TXN2: variants seen among roughly 807,000 people sequenced by gnomAD.
The protein encoded by TXN2 is thioredoxin 2.
Under a neutral mutation model 14.6 loss-of-function variants are expected in TXN2, and 12 were observed. The ratio of observed to expected loss-of-function variants is 0.82; its 90% CI spans 0.53 to 1.33. The LOEUF (loss-of-function observed/expected upper bound fraction) is 1.33. TXN2 is among the 40% of genes most tolerant of loss of function. The pLI, the probability that TXN2 is intolerant of heterozygous loss-of-function variation, is 0.00. For synonymous variants in TXN2, 89 were observed against 81.0 expected (o/e 1.10, Z -0.53); for missense variants, 173 against 207.7 (o/e 0.83, Z 1.03).
intron 3 of TXN2, chr22:36,468,633 G>A: frequency 2.2e-6 from 1 of 449,278 alleles, no homozygotes; most frequent in South Asian, 1.6e-5. Context: ...GCTGAGGCAG[G>A]AGGATCGCTT....
intron 3 of TXN2, among the ~76,000 whole-genome samples, chr22:36,474,928 G>T (rs1163522896): frequency 6.6e-6 from 1 of 152,180 alleles, no homozygotes; most frequent in Non-Finnish European, 1.5e-5. Flanking sequence ...CAGGCACCTG[G>T]CCCCTGCTGG....
At position 36,480,742 on chromosome 22, in the gene TXN2, C is replaced by A. The variant is rs762374008; in HGVS notation, c.96G>T (p.Leu32=). ...CACCAGGACTGCATTGTGGGGTCTG[C>A]AGGGCTCTGGAAGTGAGGGGTGGCC... ...GQWPPLTSRA[L]QTPQCSPGGL... is the part of the protein sequence containing the mutation. The change falls in exon 2 of 4, where the codon CTG becomes CTT. Residue 32 remains leucine, a synonymous_variant. Transcript: ENST00000216185. The A allele has an allele frequency of 6.2e-7, 1 of 1,614,012 alleles. No individual in the cohort carries two copies. The highest frequency in any genetic ancestry group is 1.1e-5 in the South Asian group (1 of 91,080).
chr22:36,470,854 A>G (rs1043578307), intron 3 of TXN2, among the ~76,000 whole-genome samples: 13 of 152,182 alleles, frequency 8.5e-5, no homozygotes, highest in African/African-American at 2.4e-4. Context: ...ACATGCTTGA[A>G]CACGCACAGA....
Position 36,476,778 on chromosome 22 carries a change from G to A in TXN2, c.342C>T (p.Ala114=). The A allele has an allele frequency of 6.2e-7, 1 of 1,613,988 alleles. No homozygotes were observed. Among genetic ancestry groups the A allele is most frequent in the Non-Finnish European group, 8.5e-7 (1 of 1,179,996 alleles). ...VAKQHGKVVM[A]KVDIDDHTDL... is the part of the protein sequence containing the mutation. ...CTGTGTGGTCATCAATATCCACCTT[G>A]GCCATCACCACCTTCCCGTGCTGCT... Residue 114 remains alanine (A), a synonymous_variant, in exon 3 of 4, where the codon GCC becomes GCT. Coordinates refer to ENST00000216185, the MANE Select transcript of TXN2 (RefSeq NM_012473.4).
intron 1 of TXN2, 61 bp from the exon 2 acceptor site, chr22:36,480,898 A>T: frequency 1.3e-6 from 2 of 1,502,476 alleles, no homozygotes; most frequent in Non-Finnish European, 1.8e-6. Context: ...CACTAGAAAA[A>T]GATTTGGGGA....
Position 36,467,700 on chromosome 22 carries a change from C to A in TXN2, c.*104G>T. On this transcript the variant is annotated 3_prime_UTR_variant, in exon 4 of 4. Transcript: ENST00000216185. ...GGAGCCTGGGCTCTAAGCATGGGCCCCAGGAGCCAGACAGGAGGGAGGCAG... is the reference window on the plus strand; with the variant it reads ...GGAGCCTGGGCTCTAAGCATGGGCCACAGGAGCCAGACAGGAGGGAGGCAG... 9.8e-7 allele frequency: 1 copy of A among 1,020,172 alleles called. No individual in the cohort carries two copies. 63.2% of individuals were successfully genotyped at this position (1,020,172 alleles called of 1,614,324 possible).
chr22:36,469,558 G>A (rs1268952846), intron 3 of TXN2, among the ~76,000 whole-genome samples: 3 of 152,204 alleles, frequency 2.0e-5, no homozygotes, highest in Non-Finnish European at 4.4e-5. Flanking sequence ...CATAGGTTAT[G>A]TGGAACGTGG....
At chr22:36,480,878 G>A (rs1250651230) in intron 1 of TXN2, 41 bp from the exon 2 acceptor site, 3 of 1,514,662 alleles carry the variant, frequency 2.0e-6, no homozygotes, top group Non-Finnish European at 2.7e-6. Context: ...CACACAAAAG[G>A]AAGTCGACAC....
intron 3 of TXN2, among the ~76,000 whole-genome samples, chr22:36,472,416 C>T (rs1028520374): frequency 2.6e-5 from 4 of 152,228 alleles, no homozygotes; most frequent in East Asian, 3.9e-4. Flanking sequence ...CAAGAGTGAT[C>T]CCCTATGTAA....
At position 36,476,744 on chromosome 22, in the gene TXN2, T is replaced by C. The variant is rs141470075; in HGVS notation, c.376A>G (p.Ile126Val). Residue 126 changes from isoleucine (I) to valine (V), a missense_variant, in exon 3 of 4, where the codon ATT becomes GTT. Ile to Val is a conservative substitution (Grantham distance 29). Transcript: ENST00000216185. ...VDIDDHTDLA[I>V]EYEVSAVPTV... ...CTGTCAATCCATACCTCATACTCAA[T>C]GGCGAGGTCTGTGTGGTCATCAATA... 2.7e-5 allele frequency: 44 copies of C among 1,614,036 alleles called. No homozygotes were observed. The African/African-American group carries it at 3.6e-4, about 13-fold the overall frequency.
At chr22:36,472,965 T>A (rs1320133158) in intron 3 of TXN2, among the ~76,000 whole-genome samples, 1 of 152,044 alleles carries the variant, frequency 6.6e-6, no homozygotes, top group Admixed American at 6.6e-5. Context: ...TCTCTCCATG[T>A]CGGCTCAGGA....
chr22:36,479,367 T>C (rs534401278), intron 2 of TXN2, among the ~76,000 whole-genome samples: 1 of 151,396 alleles, frequency 6.6e-6, no homozygotes, highest in South Asian at 2.1e-4. Context: ...AGTTTCCCTC[T>C]GTCACCCAGG....
At chr22:36,469,995 T>C (rs1326431650) in intron 3 of TXN2, among the ~76,000 whole-genome samples, 1 of 152,070 alleles carries the variant, frequency 6.6e-6, no homozygotes, top group Non-Finnish European at 1.5e-5. Context: ...CAGAACAAGA[T>C]AAACACAGAC....
intron 3 of TXN2, among the ~76,000 whole-genome samples, chr22:36,470,483 C>T (rs1933250383): frequency 6.6e-6 from 1 of 152,224 alleles, no homozygotes; most frequent in Admixed American, 6.5e-5. Context: ...TTGGCAGAAG[C>T]AGAGAGCTCA....
chr22:36,479,262 C>G (rs918630131), intron 2 of TXN2, among the ~76,000 whole-genome samples: 1 of 151,978 alleles, frequency 6.6e-6, no homozygotes, highest in African/African-American at 2.4e-5. Flanking sequence ...CAGGGTGAGT[C>G]AGAGAAACAA....
chr22:36,469,727 G>A (rs929877799), intron 3 of TXN2, among the ~76,000 whole-genome samples: 5 of 152,180 alleles, frequency 3.3e-5, no homozygotes, highest in Admixed American at 6.5e-5. Flanking sequence ...AAGCCAAAGC[G>A]GGCAGATCAC....
Position 36,467,680 on chromosome 22 carries a change from C to T in TXN2, c.*124G>A. 1.2e-6 allele frequency: 1 copy of T among 826,122 alleles called. No individual in the cohort carries two copies. Among genetic ancestry groups the T allele is most frequent in the Non-Finnish European group, 2.0e-6 (1 of 501,370 alleles). 51.2% of individuals were successfully genotyped at this position (826,122 alleles called of 1,614,324 possible). ...GCTCGGAAGCACTCAGGGCTGGAGC[C>T]TGGGCTCTAAGCATGGGCCCCAGGA... On this transcript the variant is annotated 3_prime_UTR_variant, in exon 4 of 4. Transcript: ENST00000216185.
intron 3 of TXN2, among the ~76,000 whole-genome samples, chr22:36,472,823 G>A (rs547839888): frequency 7.9e-5 from 12 of 152,146 alleles, no homozygotes; most frequent in Admixed American, 2.6e-4. Flanking sequence ...TGCTGAGAGC[G>A]GCAGCTGAGA....
intron 2 of TXN2, among the ~76,000 whole-genome samples, chr22:36,478,862 G>A (rs1363745487): frequency 6.6e-6 from 1 of 151,882 alleles, no homozygotes; most frequent in Non-Finnish European, 1.5e-5. Context: ...GCTGAGGCAG[G>A]AAAATTGTTT....
Sources: allele counts gnomAD v4.1 joint callset (sites outside exome capture counted in the v4.1 genomes callset), GRCh38; gene constraint gnomAD v4.1.1; transcripts MANE v1.5; gene names NCBI Gene and HGNC (gene_info 2026-07-23, HGNC 2026-07-21).